The following ALG9 variants were observed in gnomAD, a reference collection of about 807,000 sequenced individuals.
The protein encoded by ALG9 is alpha-1,2-mannosyltransferase ALG9.
Under a neutral mutation model 81.8 loss-of-function variants are expected in ALG9, and 55 were observed. The observed-to-expected ratio is 0.67, with a 90% CI of 0.54 to 0.84. The LOEUF is 0.84. Ranked by LOEUF, ALG9 falls within the 40% of genes least tolerant of loss-of-function variation. The probability of loss-of-function intolerance (pLI) is 0.00; values close to 1 mark genes in which losing one functional copy is unlikely to be tolerated. For missense variants in ALG9, 629 were observed against 745.0 expected, an observed-to-expected ratio of 0.84 and a Z score of 1.81; for synonymous variants, 278 against 274.3, an observed-to-expected ratio of 1.01 and a Z score of -0.13.
In ALG9 at chr11:111,822,953, G is replaced by A. The variant is rs148892286; in HGVS notation, c.1603-13180C>T. ...GCGGGAGAATCGCTTGAACCCGGGA[G>A]GCGGAGATTGCAGTGAGCCGAGATC... On this transcript the variant is annotated intron_variant, in intron 13 of 14. Coordinates refer to ENST00000616540, the MANE Select transcript of ALG9 (RefSeq NM_024740.2). 4.0e-3 allele frequency among the ~76,000 whole-genome samples: 599 copies of A among 151,606 alleles called. 1 individual carries two copies. Among genetic ancestry groups the A allele is most frequent in the Non-Finnish European group, 6.5e-3 (439 of 67,860 alleles).
intron 14 of ALG9, among the ~76,000 whole-genome samples, chr11:111,792,069 C>T (rs972080035): frequency 3.3e-5 from 5 of 152,078 alleles, no homozygotes; most frequent in African/African-American, 7.2e-5. Context: ...GGTGACAGGG[C>T]GAGACTCCGT....
chr11:111,796,428 G>C (rs1475869752), intron 14 of ALG9, among the ~76,000 whole-genome samples: 3 of 152,180 alleles, frequency 2.0e-5, no homozygotes, highest in Non-Finnish European at 4.4e-5. Context: ...CTATGGCATG[G>C]ACTTAGAGAA....
At chr11:111,862,714 T>C (rs1225724414) in intron 4 of ALG9, among the ~76,000 whole-genome samples, 2 of 150,084 alleles carry the variant, frequency 1.3e-5, no homozygotes, top group Non-Finnish European at 3.0e-5. Context: ...TTATTCATAT[T>C]ATATAATATT....
chr11:111,834,467 A>G (rs1954896542), intron 13 of ALG9, among the ~76,000 whole-genome samples: 1 of 152,236 alleles, frequency 6.6e-6, no homozygotes, highest in South Asian at 2.1e-4. Flanking sequence ...AAGCATAAGA[A>G]CATTGCATTT....
At chr11:111,857,962 C>G (rs531513993) in intron 5 of ALG9, 1 of 463,202 alleles carries the variant, frequency 2.2e-6, no homozygotes, top group Non-Finnish European at 3.9e-6. Flanking sequence ...TTTTTTTAGA[C>G]GGAGTCTTGC....
chr11:111,862,249 T>TC (rs1326579087), intron 4 of ALG9, among the ~76,000 whole-genome samples: 1 of 150,632 alleles, frequency 6.6e-6, no homozygotes, highest in African/African-American at 2.4e-5. Context: ...CTTTTTTTTT[T>TC]TTTTTTTAGA....
intron 14 of ALG9, among the ~76,000 whole-genome samples, chr11:111,807,533 T>C (rs528095751): frequency 6.6e-6 from 1 of 152,356 alleles, no homozygotes; most frequent in South Asian, 2.1e-4. Flanking sequence ...TTTCCTTGCA[T>C]TTATCATCCT....
At chr11:111,777,341 G>A (rs1274508363), downstream of ALG9, among the ~76,000 whole-genome samples, 1 of 152,168 alleles carries the variant, frequency 6.6e-6, no homozygotes, top group Non-Finnish European at 1.5e-5. Context: ...AGAGTGCAAT[G>A]CAGAAATACA....
At position 111,783,189 on chromosome 11, in the gene ALG9, G is replaced by A. The variant is rs1231163663; in HGVS notation, c.*3208C>T. 1 of 152,244 alleles carries A rather than the reference G, an allele frequency of 6.6e-6. No homozygotes were observed. Among genetic ancestry groups the A allele is most frequent in the African/African-American group, 2.4e-5 (1 of 41,438 alleles). The allele number at this position is 152,244 out of a possible 1,614,324, so 9.4% of individuals were successfully genotyped here. On this transcript the variant is annotated 3_prime_UTR_variant, in exon 15 of 15. Coordinates refer to ENST00000616540, the MANE Select transcript of ALG9 (RefSeq NM_024740.2). ...AAAATTATCTGGGCCGGGTGCGGTG[G>A]CTCATGCCTGTAATCCTAGCACTTT...
At position 111,804,102 on chromosome 11, in the gene ALG9, C is replaced by T. The variant is rs1949558409; in HGVS notation, c.1733+5541G>A. On this transcript the variant is annotated intron_variant, in intron 14 of 14. Transcript: ENST00000616540. ...GAGTCAAGAGTGTGCCACTGCACTC[C>T]AGCGTGTGTGACAGAGTAAGACTCC... Among the ~76,000 whole-genome samples the T allele has an allele frequency of 1.4e-5, 2 of 144,042 alleles. 1 individual carries two copies. The highest frequency in any genetic ancestry group is 4.4e-4 in the South Asian group (2 of 4,498). 94.5% of individuals were successfully genotyped at this position (144,042 alleles called of 152,430 possible). A position where few individuals can be genotyped will look rare whatever the true frequency, so the allele number is the denominator to read the frequency against.
chr11:111,814,242 A>G (rs1467129666), intron 13 of ALG9, among the ~76,000 whole-genome samples: 1 of 152,238 alleles, frequency 6.6e-6, no homozygotes, highest in Non-Finnish European at 1.5e-5. Context: ...GTTGAGTGAA[A>G]AGATCAAGAC....
At chr11:111,827,780 T>C (rs1953620998) in intron 13 of ALG9, among the ~76,000 whole-genome samples, 1 of 144,360 alleles carries the variant, frequency 6.9e-6, no homozygotes, top group Non-Finnish European at 1.5e-5. Context: ...GGCACAAAAA[T>C]CCCTTGAACC....
rs782114013 is a variant in ALG9, at chr11:111,850,706, C to CAAAAAAAAAAAAAAAAAAAAAAAAAAAA, written c.895+2673_895+2674insTTTTTTTTTTTTTTTTTTTTTTTTTTTT. On this transcript the variant is annotated intron_variant, in intron 8 of 14. Coordinates refer to ENST00000616540, the MANE Select transcript of ALG9 (RefSeq NM_024740.2). ...CGGGTGACAGAGCGAGATACTGTCT[C>CAAAAAAAAAAAAAAAAAAAAAAAAAAAA]AAAAAAAAAAAAAAAAAATCAGACA... 3.8e-4 allele frequency among the ~76,000 whole-genome samples: 25 copies of CAAAAAAAAAAAAAAAAAAAAAAAAAAAA among 66,650 alleles called. 2 individuals carry two copies. The highest frequency in any genetic ancestry group is 6.5e-4 in the African/African-American group (7 of 10,852). The allele number at this position is 66,650 out of a possible 152,430, so 43.7% of individuals were successfully genotyped here.
At chr11:111,803,537 T>G (rs1181477891) in intron 14 of ALG9, among the ~76,000 whole-genome samples, 1 of 148,052 alleles carries the variant, frequency 6.8e-6, no homozygotes. Flanking sequence ...GTTGGGGGAT[T>G]GACACTACCA....
chr11:111,870,929 T>C (rs1175849957), intron 1 of ALG9: 2 of 1,004,848 alleles, frequency 2.0e-6, no homozygotes, highest in African/African-American at 1.7e-5. Context: ...GCTCCCTTAA[T>C]GCAGTTCTAA....
At chr11:111,838,157 A>G (rs1592185951) in intron 11 of ALG9, 92 bp downstream of exon 11, 1 of 1,508,878 alleles carries the variant, frequency 6.6e-7, no homozygotes, top group Middle Eastern at 1.7e-4. Context: ...TTCTTAGTAT[A>G]AGCCAAATAT....
chr11:111,790,967 C>T (rs1407330620), intron 14 of ALG9, among the ~76,000 whole-genome samples: 1 of 152,168 alleles, frequency 6.6e-6, no homozygotes, highest in Admixed American at 6.5e-5. Context: ...GTACTATACA[C>T]CATGTTATTC....
chr11:111,838,298 G>A lies in ALG9; in HGVS notation c.1275C>T (p.Val425=), dbSNP rs1955661097. 1 of 1,614,046 alleles carries A rather than the reference G, an allele frequency of 6.2e-7. No homozygotes were observed. Among genetic ancestry groups the A allele is most frequent in the South Asian group, 1.1e-5 (1 of 91,088 alleles). Residue 425 remains valine (V), a synonymous_variant, in exon 11 of 15, where the codon GTC becomes GTT. Transcript: ENST00000616540. ...AAAATGACAAGAGCCCAAACAGGAA[G>A]ACAGTTCCTAATGCCAGCCAATTCG... is the stretch of plus-strand genomic sequence containing the variant. ...VTSNWLALGT[V]FLFGLLSFSR...
In ALG9 at chr11:111,870,216, TA is replaced by T. The variant is rs1555157008; in HGVS notation, c.270+15del. 2.5e-6 allele frequency: 4 copies of T among 1,603,680 alleles called. No homozygotes were observed. Among genetic ancestry groups the T allele is most frequent in the Non-Finnish European group, 3.4e-6 (4 of 1,177,176 alleles). ...AAAATCAAGAACAAAAAGAGAAAAC[TA>T]AAGAAATCACCTACTGGCTCCCAGT... On this transcript the variant is annotated intron_variant, in intron 2 of 14. Coordinates refer to ENST00000616540, the MANE Select transcript of ALG9 (RefSeq NM_024740.2).
Sources: allele counts gnomAD v4.1 joint callset (sites outside exome capture counted in the v4.1 genomes callset), GRCh38; gene constraint gnomAD v4.1.1; transcripts MANE v1.5; gene names NCBI Gene and HGNC (gene_info 2026-07-23, HGNC 2026-07-21).